The following PICALM variants were observed in gnomAD, a reference collection of about 807,000 sequenced individuals.
PICALM encodes phosphatidylinositol binding clathrin assembly protein.
PICALM carries 40 observed loss-of-function variants against 80.5 expected under a neutral mutation model. That is an observed-to-expected ratio of 0.50 (90% CI 0.39 to 0.65). The LOEUF (loss-of-function observed/expected upper bound fraction) is 0.65. PICALM is among the 30% of genes least tolerant of loss of function. The probability of loss-of-function intolerance (pLI) is 0.00; values close to 1 mark genes in which losing one functional copy is unlikely to be tolerated. For synonymous variants in PICALM, 288 were observed against 260.3 expected, an observed-to-expected ratio of 1.11 and a Z score of -1.02; for missense variants, 676 against 778.9, an observed-to-expected ratio of 0.87 and a Z score of 1.57.
chr11:86,035,520 A>G (rs747027419), intron 1 of PICALM, among the ~76,000 whole-genome samples: 1 of 152,232 alleles, frequency 6.6e-6, no homozygotes, highest in Non-Finnish European at 1.5e-5. Context: ...ACAATCACTT[A>G]GCCAAACACA....
chr11:85,962,860 C>G (rs1440696530), intron 19 of PICALM, among the ~76,000 whole-genome samples: 2 of 152,176 alleles, frequency 1.3e-5, no homozygotes, highest in East Asian at 3.9e-4. Flanking sequence ...CATACAGCAG[C>G]CCCTGACCAT....
intron 11 of PICALM, among the ~76,000 whole-genome samples, chr11:85,997,963 G>A (rs1002780906): frequency 7.9e-5 from 12 of 150,962 alleles, no homozygotes; most frequent in Admixed American, 2.6e-4. Context: ...TTGTCCTTTA[G>A]TAGAGACAGG....
At chr11:85,999,997 C>CA (rs994821277) in intron 11 of PICALM, among the ~76,000 whole-genome samples, 13 of 152,012 alleles carry the variant, frequency 8.6e-5, no homozygotes, top group African/African-American at 3.1e-4. Context: ...CAAGGTTTCT[C>CA]AAAAAAAGTT....
chr11:86,000,739 G>C lies in PICALM; in HGVS notation c.1058C>G (p.Ser353Cys). 6.2e-7 allele frequency: 1 copy of C among 1,613,032 alleles called. No homozygotes were observed. Among genetic ancestry groups the C allele is most frequent in the Non-Finnish European group, 8.5e-7 (1 of 1,179,800 alleles). The change falls in exon 11 of 20, where the codon TCT becomes TGT. Residue 353 changes from serine to cysteine, a missense_variant. By Grantham distance (112) the Ser-to-Cys change is moderately radical. Around this residue, in one of 2 missense-constraint regions of PICALM, gnomAD observed 391 missense variants for 383.6 expected, o/e 1.02. Coordinates refer to ENST00000393346, the MANE Select transcript of PICALM (RefSeq NM_007166.4). ...TACAGGAGAGGCTGCAGTTGTTAAA[G>C]AGGTATGAGGTTTCTTTGCAAGTTC... The part of the protein sequence containing the change: ...LKELAKKPHT[S>C]LTTAASPVST...
chr11:86,044,783 C>T (rs955338545), intron 1 of PICALM, among the ~76,000 whole-genome samples: 3 of 152,176 alleles, frequency 2.0e-5, no homozygotes, highest in East Asian at 1.9e-4. Flanking sequence ...CATAGGAGCG[C>T]GACCCCTATT....
chr11:86,033,620 C>A (rs950845352), intron 1 of PICALM, among the ~76,000 whole-genome samples: 6 of 152,156 alleles, frequency 3.9e-5, no homozygotes, highest in Non-Finnish European at 8.8e-5. Flanking sequence ...CCTCATTATC[C>A]CCCTTACTCT....
chr11:86,060,403 C>T (rs1458633003), intron 1 of PICALM, among the ~76,000 whole-genome samples: 1 of 152,040 alleles, frequency 6.6e-6, no homozygotes, highest in Non-Finnish European at 1.5e-5. Flanking sequence ...CACATTTTGG[C>T]AAAACTCTAT....
At chr11:86,021,655 T>C (rs913303144) in intron 4 of PICALM, among the ~76,000 whole-genome samples, 1 of 152,130 alleles carries the variant, frequency 6.6e-6, no homozygotes, top group Non-Finnish European at 1.5e-5. Flanking sequence ...ACATAAGAGT[T>C]ACCATATGAC....
At chr11:85,962,252 C>T (rs1001077588) in intron 19 of PICALM, among the ~76,000 whole-genome samples, 1 of 152,194 alleles carries the variant, frequency 6.6e-6, no homozygotes, top group Admixed American at 6.5e-5. Context: ...ACAACGATTT[C>T]AAGTAAAGTG....
At chr11:86,035,041 G>A (rs546962575) in intron 1 of PICALM, among the ~76,000 whole-genome samples, 3 of 151,870 alleles carry the variant, frequency 2.0e-5, no homozygotes, top group African/African-American at 4.8e-5. Flanking sequence ...TTTAATACAC[G>A]TTCTCGACTG....
In PICALM at chr11:85,973,059, C is replaced by G. The variant is rs576393471; in HGVS notation, c.1944+1649G>C. Among the ~76,000 whole-genome samples, 10 of 152,276 alleles carry G rather than the reference C, an allele frequency of 6.6e-5. No individual in the cohort carries two copies. The East Asian group carries it at 1.7e-3, about 26-fold the overall frequency. On this transcript the variant is annotated intron_variant, in intron 19 of 19. Coordinates refer to ENST00000393346, the MANE Select transcript of PICALM (RefSeq NM_007166.4). ...GTAATGACTGTGTCAATTACCCTCA[C>G]TCCAAGTTATTTTCAATTTTCACTG...
chr11:86,034,566 T>C (rs1037809482), intron 1 of PICALM, among the ~76,000 whole-genome samples: 4 of 152,204 alleles, frequency 2.6e-5, no homozygotes, highest in African/African-American at 9.7e-5. Flanking sequence ...GGACAGATCT[T>C]ATATTTTCTT....
chr11:86,045,518 T>TAA (rs1166929859), intron 1 of PICALM, among the ~76,000 whole-genome samples: 1 of 22,960 alleles, frequency 4.4e-5, no homozygotes, highest in Non-Finnish European at 8.8e-5. Flanking sequence ...GTCTTGAAAT[T>TAA]CAAAAAAAAA....
At chr11:85,997,994 C>A (rs764501933) in intron 11 of PICALM, among the ~76,000 whole-genome samples, 1 of 152,182 alleles carries the variant, frequency 6.6e-6, no homozygotes, top group Non-Finnish European at 1.5e-5. Flanking sequence ...ACTGCCCAGG[C>A]TGGCCTCGAA....
At chr11:85,974,058 AT>A (rs2094195814) in intron 19 of PICALM, among the ~76,000 whole-genome samples, 1 of 152,074 alleles carries the variant, frequency 6.6e-6, no homozygotes, top group African/African-American at 2.4e-5. Context: ...AAAAAAAAAA[AT>A]TCTTCTAATG....
chr11:86,034,770 A>T (rs1399092076), intron 1 of PICALM, among the ~76,000 whole-genome samples: 1 of 152,224 alleles, frequency 6.6e-6, no homozygotes, highest in East Asian at 1.9e-4. Flanking sequence ...CCTAAAAATA[A>T]GCCTACCATA....
chr11:86,016,636 C>T (rs1001761033), intron 4 of PICALM, among the ~76,000 whole-genome samples: 27 of 152,218 alleles, frequency 1.8e-4, no homozygotes, highest in Admixed American at 3.3e-4. Flanking sequence ...TGCCTGTACA[C>T]ACATAGCTGA....
At chr11:86,049,736 T>C (rs767831395) in intron 1 of PICALM, among the ~76,000 whole-genome samples, 4 of 151,596 alleles carry the variant, frequency 2.6e-5, no homozygotes, top group Non-Finnish European at 5.9e-5. Flanking sequence ...CCTGGCCTCT[T>C]TTCTATTCAT....
chr11:85,979,500 A>AG (rs2094377684), intron 17 of PICALM, among the ~76,000 whole-genome samples: 1 of 152,238 alleles, frequency 6.6e-6, no homozygotes, highest in South Asian at 2.1e-4. Flanking sequence ...AAAAAAAAAA[A>AG]AAATACAAAA....
Sources: allele counts gnomAD v4.1 joint callset (sites outside exome capture counted in the v4.1 genomes callset), GRCh38; gene constraint gnomAD v4.1.1; regional missense constraint gnomAD v4.1.1; transcripts MANE v1.5; gene names NCBI Gene and HGNC (gene_info 2026-07-23, HGNC 2026-07-21).